The following BCAN variants were observed in gnomAD, a reference collection of about 807,000 sequenced individuals.
The protein encoded by BCAN is brevican.
Under a neutral mutation model 92.4 loss-of-function variants are expected in BCAN, and 51 were observed. That is an observed-to-expected ratio of 0.55 (90% CI 0.44 to 0.70). The LOEUF is 0.70. Among genes scored for constraint, BCAN ranks in the 30% least tolerant of loss-of-function variants. The pLI is 0.00. For missense variants in BCAN, 1,140 were observed against 1,212.1 expected (o/e 0.94, Z 0.88); for synonymous variants, 501 against 505.2 (o/e 0.99, Z 0.11).
chr1:156,654,461 A>T (rs551657344), intron 8 of BCAN, among the ~76,000 whole-genome samples: 6 of 152,160 alleles, frequency 3.9e-5, no homozygotes, highest in Non-Finnish European at 8.8e-5. Context: ...GGTAAGTGAG[A>T]GGTCTCCTTG....
intron 1 of BCAN, among the ~76,000 whole-genome samples, chr1:156,645,045 A>G (rs1307154316): frequency 6.6e-6 from 1 of 152,178 alleles, no homozygotes; most frequent in Non-Finnish European, 1.5e-5. Context: ...CTCAGTCTCC[A>G]TTTCTCAATG....
intron 8 of BCAN, 28 bp from the exon 9 acceptor site, chr1:156,656,254 C>T (rs747694104): frequency 2.8e-6 from 4 of 1,436,742 alleles, no homozygotes; most frequent in Non-Finnish European, 3.6e-6. Flanking sequence ...GCCTCGCTCC[C>T]CCCGCCTCAC....
At position 156,651,627 on chromosome 1, in the gene BCAN, A is replaced by T. The variant is rs769435743; in HGVS notation, c.1235A>T (p.Glu412Val). The T allele has an allele frequency of 3.7e-6, 6 of 1,613,802 alleles. No homozygotes were observed. In the South Asian group the frequency reaches 6.6e-5, roughly 18 times the overall value. ...RGAIYSIPIM[E>V]DGGGGSSTPE... ...GCCATCTACTCCATCCCCATCATGG[A>T]GGACGGAGGAGGTGGAAGCTCCACT... The change falls in exon 7 of 14, where the codon GAG becomes GTG. Residue 412 changes from glutamate to valine, a missense_variant. Physicochemically the swap from Glu to Val is moderately radical, Grantham distance 121. Transcript: ENST00000329117.
chr1:156,657,205 A>T (rs1557992695), intron 10 of BCAN, 109 bp downstream of exon 10: 2 of 1,352,282 alleles, frequency 1.5e-6, no homozygotes, highest in East Asian at 4.8e-5. Context: ...TGGTTTTCTC[A>T]AGCGTGCATT....
chr1:156,651,835 T>G (rs1679175495), intron 7 of BCAN, 146 bp downstream of exon 7: 1 of 738,034 alleles, frequency 1.4e-6, no homozygotes, highest in Admixed American at 2.9e-5. Flanking sequence ...GCACCTTTCC[T>G]GTCCCTCTCC....
rs200436525 is a variant in BCAN, at chr1:156,647,487, G to C, written c.467-21G>C. ...GCGTGCTGGGTGCTCACCTGGCTCA[G>C]GGGTCCTCTCTGCCCCACAGGGGTC... On this transcript the variant is annotated intron_variant, in intron 3 of 13. Coordinates refer to ENST00000329117, the MANE Select transcript of BCAN (RefSeq NM_021948.5). The surrounding 1 kb of genome is among the most constrained non-coding windows in gnomAD (Gnocchi z 4.8). The C allele has an allele frequency of 5.9e-6, 9 of 1,535,442 alleles. No homozygotes were observed. In the East Asian group the frequency reaches 2.0e-4, roughly 35 times the overall value.
chr1:156,650,740 C>T (rs1158222879), intron 6 of BCAN, among the ~76,000 whole-genome samples: 13 of 152,084 alleles, frequency 8.5e-5, no homozygotes, highest in African/African-American at 2.2e-4. Context: ...GCCAGGAGTT[C>T]GAGATCAGCC....
intron 10 of BCAN, 114 bp from the exon 11 acceptor site, chr1:156,657,561 G>T: frequency 1.3e-6 from 1 of 772,094 alleles, no homozygotes; most frequent in Non-Finnish European, 2.1e-6. Flanking sequence ...CGACAAGGGC[G>T]GGTGCTGGAT....
At position 156,648,841 on chromosome 1, in the gene BCAN, T is replaced by C. The variant is rs1290293553; in HGVS notation, c.1043T>C (p.Phe348Ser). The change falls in exon 6 of 14, where the codon TTC (phenylalanine) becomes TCC (serine). Residue 348 changes from phenylalanine (F) to serine (S), a missense_variant. Around this residue, in one of 3 missense-constraint regions of BCAN, gnomAD observed 825 missense variants for 871.8 expected, o/e 0.95. Coordinates refer to ENST00000329117, the MANE Select transcript of BCAN (RefSeq NM_021948.5). ...GGCTTCCCCAATAAGCACAGCCGCT[T>C]CAACGTCTACTGCTTCCGAGGTGAG... ...QTGFPNKHSR[F>S]NVYCFRDSAQ... is the part of the protein sequence containing the mutation. The C allele has an allele frequency of 1.9e-6, 3 of 1,573,182 alleles. No individual in the cohort carries two copies. In the Admixed American group the frequency reaches 5.1e-5, roughly 27 times the overall value.
In BCAN at chr1:156,647,525, C is replaced by T. The variant is rs757516841; in HGVS notation, c.484C>T (p.Arg162Ter). 4.4e-6 allele frequency: 7 copies of T among 1,577,162 alleles called. No individual in the cohort carries two copies. The highest frequency in any genetic ancestry group is 2.2e-5 in the East Asian group (1 of 44,600). The change falls in exon 4 of 14, where the codon CGA becomes TGA. Residue 162 changes from arginine (R) to a stop codon, truncating the protein, a stop_gained. Coordinates refer to ENST00000329117, the MANE Select transcript of BCAN (RefSeq NM_021948.5). LOFTEE classifies it high-confidence loss of function. The surrounding 1 kb of genome is among the most constrained non-coding windows in gnomAD (Gnocchi z 4.8). ...CCCCACAGGGGTCGTCTTTCTCTACCGAGAGGGCTCTGCCCGCTATGCTTT... is the reference window on the plus strand; with the variant it reads ...CCCCACAGGGGTCGTCTTTCTCTACTGAGAGGGCTCTGCCCGCTATGCTTT... ...VKVKGVVFLY[R>*]EGSARYAFSF...
At chr1:156,652,205 A>G (rs1445068099) in intron 7 of BCAN, 43 bp from the exon 8 acceptor site, 4 of 1,539,456 alleles carry the variant, frequency 2.6e-6, no homozygotes, top group African/African-American at 1.4e-5. Flanking sequence ...CGGTCCTTGG[A>G]CAGACGCTGT....
At position 156,646,894 on chromosome 1, in the gene BCAN, T is replaced by G; in HGVS notation, c.185T>G (p.Leu62Arg). Residue 62 changes from leucine to arginine, a missense_variant, in exon 3 of 14, where the codon CTG (leucine) becomes CGG (arginine). Physicochemically the swap from Leu to Arg is moderately radical, Grantham distance 102 (BLOSUM62 -2). Around this residue, in one of 3 missense-constraint regions of BCAN, gnomAD observed 286 missense variants for 284.1 expected, o/e 1.01. Transcript: ENST00000329117. ...ALTIPCHVHY[L>R]RPPPSRRAVL... Reference sequence around the variant, plus strand: ...ACCATCCCTTGCCACGTCCACTACCTGCGGCCACCGCCGAGCCGCCGGGCT... The same window carrying G: ...ACCATCCCTTGCCACGTCCACTACCGGCGGCCACCGCCGAGCCGCCGGGCT... 1 of 1,610,668 alleles carries G rather than the reference T, an allele frequency of 6.2e-7. No individual in the cohort carries two copies. The highest frequency in any genetic ancestry group is 8.5e-7 in the Non-Finnish European group (1 of 1,178,830).
intron 5 of BCAN, 66 bp from the exon 6 acceptor site, chr1:156,648,502 C>G: frequency 6.7e-7 from 1 of 1,493,574 alleles, no homozygotes; most frequent in Non-Finnish European, 9.1e-7. Context: ...CCAGGGTTCC[C>G]ATGGGAGACC....
At position 156,655,633 on chromosome 1, in the gene BCAN, G is replaced by T. The variant is rs188338290; in HGVS notation, c.1943-649G>T. ...GGGCAGGGCCTAGAGTGAGGAAAGT[G>T]GGCTGGATCTCCACTAACCACTTCT... On this transcript the variant is annotated intron_variant, in intron 8 of 13. Transcript: ENST00000329117. 1.1e-3 allele frequency among the ~76,000 whole-genome samples: 174 copies of T among 152,286 alleles called. 1 individual carries two copies. Among genetic ancestry groups the T allele is most frequent in the African/African-American group, 4.0e-3 (168 of 41,556 alleles).
chr1:156,653,290 T>G, intron 8 of BCAN: 1 of 1,113,702 alleles, frequency 9.0e-7, no homozygotes, highest in Non-Finnish European at 1.1e-6. Context: ...GCCGTCCCCT[T>G]TAGCTGCCTC....
chr1:156,646,869 A>G lies in BCAN; in HGVS notation c.160A>G (p.Thr54Ala), dbSNP rs1269073954. ...GCAGGGCGTGCTCGGCGGCGCCCTC[A>G]CCATCCCTTGCCACGTCCACTACCT... ...PLQGVLGGALTIPCHVHYLRP... is the reference protein window; with the variant it reads ...PLQGVLGGALAIPCHVHYLRP... Residue 54 changes from threonine (T) to alanine (A), a missense_variant, in exon 3 of 14, where the codon ACC becomes GCC. Transcript: ENST00000329117. The G allele has an allele frequency of 6.2e-7, 1 of 1,609,394 alleles. No homozygotes were observed. Among genetic ancestry groups the G allele is most frequent in the Admixed American group, 1.7e-5 (1 of 59,758 alleles).
At position 156,658,451 on chromosome 1, in the gene BCAN, C is replaced by T. The variant is rs541625797; in HGVS notation, c.2438-92C>T. On this transcript the variant is annotated intron_variant, in intron 12 of 13. Transcript: ENST00000329117. This position sits in a 1 kb window ranked among gnomAD's most constrained non-coding sequence, Gnocchi z 4.4. ...CTCGGAATCCCTGATCTTTTTTTGT[C>T]ATGTTGTGGCCCATTTTTCTCTTCC... 1.0e-5 allele frequency: 15 copies of T among 1,499,588 alleles called. No homozygotes were observed. The African/African-American group carries it at 1.2e-4, about 12-fold the overall frequency. The allele number at this position is 1,499,588 out of a possible 1,614,324, so 92.9% of individuals were successfully genotyped here.
rs1286536152 is a variant in BCAN, at chr1:156,646,160, T to A, written c.91+15T>A. The A allele has an allele frequency of 6.2e-7, 1 of 1,609,680 alleles. No individual in the cohort carries two copies. Among genetic ancestry groups the A allele is most frequent in the South Asian group, 1.1e-5 (1 of 90,872 alleles). On this transcript the variant is annotated intron_variant, in intron 2 of 13. Transcript: ENST00000329117. Reference sequence around the variant, plus strand: ...AGACAGCTCAGGTAAGCAACCCCACTTGGGGTCACCGTCTCTGTCTTGTTC... The same window carrying A: ...AGACAGCTCAGGTAAGCAACCCCACATGGGGTCACCGTCTCTGTCTTGTTC...
intron 8 of BCAN, among the ~76,000 whole-genome samples, chr1:156,655,969 T>C (rs1312520688): frequency 1.3e-5 from 2 of 152,148 alleles, no homozygotes; most frequent in Admixed American, 1.3e-4. Flanking sequence ...TCTTTCTCCA[T>C]TGTGGGGCTG....
Sources: gnomAD v4.1 joint callset for allele counts (sites outside exome capture counted in the v4.1 genomes callset) on GRCh38, gnomAD v4.1.1 for gene constraint, gnomAD v4.1.1 regional missense constraint, Gnocchi (gnomAD v3.1) non-coding constraint, MANE v1.5 for transcripts, NCBI Gene and HGNC (gene_info 2026-07-23, HGNC 2026-07-21) for gene names.